ACOX3: variants seen among roughly 807,000 people sequenced by gnomAD.
ACOX3 encodes peroxisomal acyl-coenzyme A oxidase 3.
ACOX3 carries 73 observed loss-of-function variants against 81.5 expected under a neutral mutation model. That is an observed-to-expected ratio of 0.90 (90% CI 0.74 to 1.09). The LOEUF is 1.09. Among genes scored for constraint, ACOX3 ranks in the 50% least tolerant of loss-of-function variants. ACOX3 has a pLI of 0.00. For missense variants in ACOX3, 947 were observed against 928.0 expected (o/e 1.02, Z -0.27); for synonymous variants, 387 against 375.1 (o/e 1.03, Z -0.37).
In ACOX3 at chr4:8,382,001, G is replaced by A. The variant is rs1397986829; in HGVS notation, c.1538-394C>T. On this transcript the variant is annotated intron_variant, in intron 13 of 17. Transcript: ENST00000356406. This position sits in a 1 kb window ranked among gnomAD's most constrained non-coding sequence, Gnocchi z 4.1. ...CCACAGCATCAGCCAGGACTGCATG[G>A]GCAGCAGGACAACTGGCCGGCGGTG... Among the ~76,000 whole-genome samples the A allele has an allele frequency of 6.6e-6, 1 of 152,260 alleles. No individual in the cohort carries two copies. The highest frequency in any genetic ancestry group is 1.5e-5 in the Non-Finnish European group (1 of 68,046).
Position 8,399,646 on chromosome 4 carries a change from G to T in ACOX3, c.783C>A (p.Ala261=). The T allele has an allele frequency of 6.2e-7, 1 of 1,614,108 alleles. No homozygotes were observed. The highest frequency in any genetic ancestry group is 8.5e-7 in the Non-Finnish European group (1 of 1,179,962). ...GAGGAACTCTGACCTTGTGGAACAT[G>T]GCGAAACTGTGGGGAAGCAGCAGGG... ...LGQNGLDNGF[A]MFHKVRVPRQ... The change falls in exon 8 of 18, where the codon GCC becomes GCA. Residue 261 remains alanine (A), a synonymous_variant. Coordinates refer to ENST00000356406, the MANE Select transcript of ACOX3 (RefSeq NM_003501.3). This position sits in a 1 kb window ranked among gnomAD's most constrained non-coding sequence, Gnocchi z 4.9.
At chr4:8,412,094 G>A (rs1345822498) in intron 5 of ACOX3, among the ~76,000 whole-genome samples, 1 of 152,242 alleles carries the variant, frequency 6.6e-6, no homozygotes, top group Non-Finnish European at 1.5e-5. Flanking sequence ...CCACCTCCTG[G>A]CACTGCAGGC....
the ACOX3 span, chr4:8,356,535 A>C: frequency 2.2e-6 from 1 of 452,660 alleles, no homozygotes; most frequent in Non-Finnish European, 4.5e-6. Context: ...AGATGTCCAC[A>C]GAGTATGACC....
At chr4:8,420,647 C>T (rs111616892) in intron 1 of ACOX3, among the ~76,000 whole-genome samples, 8,740 of 152,260 alleles carry the variant, frequency 0.057, 419 homozygotes, top group African/African-American at 0.13. Context: ...GGTACCCCCC[C>T]GTTGAATGGG....
chr4:8,361,207 A>T, the ACOX3 span, among the ~76,000 whole-genome samples: 4 of 151,958 alleles, frequency 2.6e-5, no homozygotes, highest in African/African-American at 9.7e-5. Context: ...GCGGATCATG[A>T]AGTCAGGAGA....
intron 7 of ACOX3, among the ~76,000 whole-genome samples, chr4:8,403,330 C>G (rs1720567874): frequency 6.6e-6 from 1 of 152,232 alleles, no homozygotes; most frequent in South Asian, 2.1e-4. Flanking sequence ...GGAGGGAACA[C>G]TGGTATCACT....
intron 15 of ACOX3, 60 bp downstream of exon 15, chr4:8,374,918 G>A: frequency 1.2e-5 from 17 of 1,441,388 alleles, no homozygotes; most frequent in East Asian, 2.5e-5. Flanking sequence ...CAGCTTCCTA[G>A]ATACAACACG....
rs1560172176 is a variant in ACOX3 at position 8,381,080 on chromosome 4, C to T, written c.1653+412G>A. Among the ~76,000 whole-genome samples the T allele has an allele frequency of 6.6e-6, 1 of 152,214 alleles. No homozygotes were observed. The highest frequency in any genetic ancestry group is 1.5e-5 in the Non-Finnish European group (1 of 68,032). The stretch of plus-strand genomic sequence containing the variant: ...AACGATGACCCACTCACCATTGCCA[C>T]CCCAGCCCCTCGGGAAGGCGAGAGC... On this transcript the variant is annotated intron_variant, in intron 14 of 17. Coordinates refer to ENST00000356406, the MANE Select transcript of ACOX3 (RefSeq NM_003501.3). The surrounding 1 kb of genome is among the most constrained non-coding windows in gnomAD (Gnocchi z 4.3).
At chr4:8,358,880 C>CT in the ACOX3 span, among the ~76,000 whole-genome samples, 2 of 152,104 alleles carry the variant, frequency 1.3e-5, no homozygotes, top group African/African-American at 4.8e-5. Context: ...ATGGGTAGCC[C>CT]TTTTTTTATT....
intron 14 of ACOX3, among the ~76,000 whole-genome samples, chr4:8,379,316 C>T (rs1221333230): frequency 6.6e-6 from 1 of 152,160 alleles, no homozygotes; most frequent in African/African-American, 2.4e-5. Context: ...GCCCCAAGGG[C>T]TCTCAGCTAT....
chr4:8,402,395 C>A (rs1468174889), intron 7 of ACOX3, among the ~76,000 whole-genome samples: 1 of 152,224 alleles, frequency 6.6e-6, no homozygotes, highest in Non-Finnish European at 1.5e-5. Context: ...ACTCAGAACA[C>A]CCCACCTCGT....
Position 8,405,311 on chromosome 4 carries a change from T to A in ACOX3, c.776+644A>T, listed in dbSNP as rs1720814861. Among the ~76,000 whole-genome samples the A allele has an allele frequency of 6.6e-6, 1 of 152,080 alleles. No individual in the cohort carries two copies. The highest frequency in any genetic ancestry group is 2.4e-5 in the African/African-American group (1 of 41,428). ...TGCACATTCCAAAATCACTGGCCAC[T>A]TCTCCCCGGCCACCCAGGCCTCCAT... is the stretch of plus-strand genomic sequence containing the variant. On this transcript the variant is annotated intron_variant, in intron 7 of 17. Coordinates refer to ENST00000356406, the MANE Select transcript of ACOX3 (RefSeq NM_003501.3). The surrounding 1 kb of genome is among the most constrained non-coding windows in gnomAD (Gnocchi z 7.1).
rs1718387540 is a variant in ACOX3, at chr4:8,386,955, G to A, written c.1537+2218C>T. Among the ~76,000 whole-genome samples the A allele has an allele frequency of 1.3e-5, 2 of 152,236 alleles. No homozygotes were observed. ...GATGGCTGGAACGCGTCCTCCATGT[G>A]TGCCTGTCCCCTGCATGAGGGAGGC... On this transcript the variant is annotated intron_variant, in intron 13 of 17. Transcript: ENST00000356406. This position sits in a 1 kb window ranked among gnomAD's most constrained non-coding sequence, Gnocchi z 5.2.
At chr4:8,425,593 C>T (rs2631733) in intron 1 of ACOX3, among the ~76,000 whole-genome samples, 52,587 of 148,350 alleles carry the variant, frequency 0.35, 9,998 homozygotes, top group South Asian at 0.46. Context: ...CCTGCCTTAT[C>T]GCCAAGCTCC....
At chr4:8,403,947 G>A (rs556436284) in intron 7 of ACOX3, among the ~76,000 whole-genome samples, 1 of 152,210 alleles carries the variant, frequency 6.6e-6, no homozygotes, top group Non-Finnish European at 1.5e-5. Flanking sequence ...GGCCTTACGT[G>A]CACACATAGG....
downstream of ACOX3, among the ~76,000 whole-genome samples, chr4:8,363,014 C>G (rs1715266456): frequency 6.6e-6 from 1 of 152,198 alleles, no homozygotes; most frequent in Admixed American, 6.5e-5. Flanking sequence ...GTTTCAAGAA[C>G]TATGGTACAC....
At position 8,410,202 on chromosome 4, in the gene ACOX3, A is replaced by C; in HGVS notation, c.687+10T>G. On this transcript the variant is annotated intron_variant, in intron 6 of 17. Coordinates refer to ENST00000356406, the MANE Select transcript of ACOX3 (RefSeq NM_003501.3). ...CACTGCCCCCACTGAGGGCCACCCC[A>C]GCGTCCTACCTGCACGATAAAGGGA... The C allele has an allele frequency of 1.2e-6, 2 of 1,612,134 alleles. No individual in the cohort carries two copies. Among genetic ancestry groups the C allele is most frequent in the Non-Finnish European group, 1.7e-6 (2 of 1,178,760 alleles).
At position 8,419,378 on chromosome 4, in the gene ACOX3, T is replaced by C. The variant is rs1382455751; in HGVS notation, c.-14-2843A>G. Among the ~76,000 whole-genome samples the C allele has an allele frequency of 6.6e-6, 1 of 151,014 alleles. No homozygotes were observed. The highest frequency in any genetic ancestry group is 2.4e-5 in the African/African-American group (1 of 40,954). ...TAAACCCGGGAGGCAGAGATTGCAG[T>C]AGCCTAGATTGCGCCACTGCACTCC... On this transcript the variant is annotated intron_variant, in intron 1 of 17. Coordinates refer to ENST00000356406, the MANE Select transcript of ACOX3 (RefSeq NM_003501.3). The surrounding 1 kb of genome is among the most constrained non-coding windows in gnomAD (Gnocchi z 4.2).
rs1045347348 is a variant in ACOX3 at position 8,394,113 on chromosome 4, G to A, written c.1179+507C>T. ...ATTCACATTTCACTCTTGCTCAGGA[G>A]GCAGCAGGAGGGACAATGGAAAATC... On this transcript the variant is annotated intron_variant, in intron 10 of 17. Coordinates refer to ENST00000356406, the MANE Select transcript of ACOX3 (RefSeq NM_003501.3). The surrounding 1 kb of genome is among the most constrained non-coding windows in gnomAD (Gnocchi z 5.9). Among the ~76,000 whole-genome samples, 3 of 152,198 alleles carry A rather than the reference G, an allele frequency of 2.0e-5. No homozygotes were observed. Among genetic ancestry groups the A allele is most frequent in the Admixed American group, 2.0e-4 (3 of 15,280 alleles).
Sources: allele counts gnomAD v4.1 joint callset (sites outside exome capture counted in the v4.1 genomes callset), GRCh38; gene constraint gnomAD v4.1.1; non-coding constraint Gnocchi (gnomAD v3.1); transcripts MANE v1.5; gene names NCBI Gene and HGNC (gene_info 2026-07-23, HGNC 2026-07-21).